The following ADGRG7 variants were observed in gnomAD, a reference collection of about 807,000 sequenced individuals.
ADGRG7 encodes G-protein coupled receptor 128.
Under a neutral mutation model 88.6 loss-of-function variants are expected in ADGRG7, and 82 were observed. The ratio of observed to expected loss-of-function variants is 0.93; its 90% CI spans 0.77 to 1.11. ADGRG7 has a LOEUF of 1.11. Ranked by LOEUF, ADGRG7 falls within the 50% of genes most tolerant of loss-of-function variation. The pLI is 0.00. For synonymous variants in ADGRG7, 381 were observed against 345.2 expected (o/e 1.10, Z -1.15); for missense variants, 945 against 953.4 (o/e 0.99, Z 0.12).
At chr3:100,617,564 G>A (rs1296721927) in intron 1 of ADGRG7, among the ~76,000 whole-genome samples, 1 of 152,098 alleles carries the variant, frequency 6.6e-6, no homozygotes, top group East Asian at 1.9e-4. Context: ...ATTTTTTATG[G>A]CTGCATAGTA....
intron 1 of ADGRG7, among the ~76,000 whole-genome samples, chr3:100,610,746 C>A (rs1707135509): frequency 6.6e-6 from 1 of 152,202 alleles, no homozygotes; most frequent in Non-Finnish European, 1.5e-5. Context: ...GGGCTACATA[C>A]TCCCTTTCGT....
At chr3:100,624,835 C>G (rs1375461583) in intron 1 of ADGRG7, among the ~76,000 whole-genome samples, 1 of 152,040 alleles carries the variant, frequency 6.6e-6, no homozygotes, top group African/African-American at 2.4e-5. Flanking sequence ...TGTTGAAGAT[C>G]AGATGTTTGT....
chr3:100,632,668 A>G (rs147330891), intron 3 of ADGRG7, among the ~76,000 whole-genome samples: 277 of 152,316 alleles, frequency 1.8e-3, no homozygotes, highest in Non-Finnish European at 3.1e-3. Context: ...TTGTCCCAAG[A>G]AGGAGCTGCC....
At chr3:100,677,398 A>G (rs1475146342) in intron 15 of ADGRG7, among the ~76,000 whole-genome samples, 2 of 152,034 alleles carry the variant, frequency 1.3e-5, no homozygotes, top group Non-Finnish European at 2.9e-5. Flanking sequence ...ATATCTTATT[A>G]TACTGTCTTG....
rs566712881 is a variant in ADGRG7, at chr3:100,632,745, T to C, written c.335-520T>C. Among the ~76,000 whole-genome samples the C allele has an allele frequency of 1.1e-3, 162 of 152,304 alleles. No individual in the cohort carries two copies. The Middle Eastern group carries it at 0.014, about 13-fold the overall frequency. On this transcript the variant is annotated intron_variant, in intron 3 of 15. Coordinates refer to ENST00000273352, the MANE Select transcript of ADGRG7 (RefSeq NM_032787.3). ...TCCCTCTAATTATGATTTTTTTCTATAGCAACTACTTAAGTATTAACTACA... is the reference window on the plus strand; with the variant it reads ...TCCCTCTAATTATGATTTTTTTCTACAGCAACTACTTAAGTATTAACTACA...
At chr3:100,677,075 T>C (rs2094966414) in intron 15 of ADGRG7, among the ~76,000 whole-genome samples, 1 of 152,044 alleles carries the variant, frequency 6.6e-6, no homozygotes, top group Admixed American at 6.6e-5. Context: ...CAGAGTTTAG[T>C]TCATTTGTGT....
At chr3:100,617,869 A>G (rs1310342593) in intron 1 of ADGRG7, among the ~76,000 whole-genome samples, 1 of 152,138 alleles carries the variant, frequency 6.6e-6, no homozygotes. Context: ...CATCCTCTCC[A>G]GCACCTGTTG....
At chr3:100,659,614 T>C (rs1401055686) in intron 13 of ADGRG7, 74 bp from the exon 14 acceptor site, 41 of 1,265,142 alleles carry the variant, frequency 3.2e-5, no homozygotes, top group Middle Eastern at 3.9e-4. Context: ...TGAATGTCAA[T>C]AGTGTTAATA....
intron 6 of ADGRG7, among the ~76,000 whole-genome samples, chr3:100,641,196 A>T (rs1707636860): frequency 1.3e-5 from 2 of 152,200 alleles, no homozygotes; most frequent in Admixed American, 1.3e-4. Flanking sequence ...GGAAGCACAA[A>T]TTCCAAAAAA....
chr3:100,645,926 T>A lies in ADGRG7; in HGVS notation c.947-19T>A, dbSNP rs201669864. 1 of 1,603,180 alleles carries A rather than the reference T, an allele frequency of 6.2e-7. No individual in the cohort carries two copies. Among genetic ancestry groups the A allele is most frequent in the African/African-American group, 1.3e-5 (1 of 74,126 alleles). ...CTTACAGTGCACTTATTGATTTTAATGTCTTTTTCTCCCTATAGATTACAC... is the reference window on the plus strand; with the variant it reads ...CTTACAGTGCACTTATTGATTTTAAAGTCTTTTTCTCCCTATAGATTACAC... On this transcript the variant is annotated intron_variant, in intron 8 of 15. Coordinates refer to ENST00000273352, the MANE Select transcript of ADGRG7 (RefSeq NM_032787.3).
In ADGRG7 at chr3:100,611,279, C is replaced by CCTTCCTTCCTTCCTTTCTTT. The variant is rs1559666844; in HGVS notation, c.115+1323_115+1324insTCTTTCTTCCTTCCTTCCTT. 1.2e-3 allele frequency among the ~76,000 whole-genome samples: 172 copies of CCTTCCTTCCTTCCTTTCTTT among 143,708 alleles called. 1 individual carries two copies. The highest frequency in any genetic ancestry group is 4.3e-3 in the African/African-American group (170 of 39,174). The allele number at this position is 143,708 out of a possible 152,430, so 94.3% of individuals were successfully genotyped here. On this transcript the variant is annotated intron_variant, in intron 1 of 15. Transcript: ENST00000273352. ...TCCTTCCTTCCTTCCTTCCTTCCTT[C>CCTTCCTTCCTTCCTTTCTTT]CTTCCTTCCTTCCTTCCTTCCTTTC...
intron 14 of ADGRG7, chr3:100,665,602 T>C (rs56232573): frequency 0.16 from 56,274 of 353,942 alleles, 5,652 homozygotes; most frequent in South Asian, 0.26. Context: ...CGGTAGTTCA[T>C]ATTAAGAAGA....
intron 1 of ADGRG7, among the ~76,000 whole-genome samples, chr3:100,615,514 T>C (rs1388697998): frequency 6.6e-6 from 1 of 152,124 alleles, no homozygotes; most frequent in Non-Finnish European, 1.5e-5. Flanking sequence ...AGTCAGCAAA[T>C]GTGTGTTGGG....
At chr3:100,617,785 G>A (rs1161689127) in intron 1 of ADGRG7, among the ~76,000 whole-genome samples, 9 of 152,070 alleles carry the variant, frequency 5.9e-5, no homozygotes, top group African/African-American at 9.7e-5. Context: ...CTGAGGAATC[G>A]CCACACTGAC....
At chr3:100,686,725 A>G (rs541645243) in intron 15 of ADGRG7, among the ~76,000 whole-genome samples, 1 of 152,278 alleles carries the variant, frequency 6.6e-6, no homozygotes, top group South Asian at 2.1e-4. Flanking sequence ...GTTCTGTTCC[A>G]ATGGTCTATA....
intron 6 of ADGRG7, among the ~76,000 whole-genome samples, chr3:100,640,177 C>T (rs1050667311): frequency 2.0e-5 from 3 of 152,156 alleles, no homozygotes; most frequent in Non-Finnish European, 4.4e-5. Flanking sequence ...CATCTCTCCA[C>T]GAGAAGGAAA....
intron 4 of ADGRG7, among the ~76,000 whole-genome samples, chr3:100,635,028 CAT>C (rs1491054107): frequency 2.6e-5 from 4 of 151,288 alleles, no homozygotes; most frequent in African/African-American, 4.9e-5. Context: ...CACACACACA[CAT>C]ACACACACAC....
rs1462974413 is a variant in ADGRG7, at chr3:100,611,291, C to CCTTT, written c.115+1323_115+1324insTCTT. ...TCCTTCCTTCCTTCCTTCCTTCCTT[C>CCTTT]CTTCCTTCCTTTCTTCTTTCCTTCC... On this transcript the variant is annotated intron_variant, in intron 1 of 15. Transcript: ENST00000273352. Among the ~76,000 whole-genome samples the CCTTT allele has an allele frequency of 2.1e-3, 301 of 145,370 alleles. 1 individual carries two copies. Among genetic ancestry groups the CCTTT allele is most frequent in the Non-Finnish European group, 3.1e-3 (203 of 66,202 alleles).
At position 100,609,815 on chromosome 3, in the gene ADGRG7, G is replaced by T. The variant is rs767103854; in HGVS notation, c.-42G>T. ...TTTAGCTCAAGAAGAAAAGAAGCTAGTTATTTCTCACCCAGGAGTGGATTT... is the reference window on the plus strand; with the variant it reads ...TTTAGCTCAAGAAGAAAAGAAGCTATTTATTTCTCACCCAGGAGTGGATTT... On this transcript the variant is annotated 5_prime_UTR_variant, in exon 1 of 16. Coordinates refer to ENST00000273352, the MANE Select transcript of ADGRG7 (RefSeq NM_032787.3). The T allele has an allele frequency of 6.9e-6, 10 of 1,452,242 alleles. No homozygotes were observed. In the East Asian group the frequency reaches 1.8e-4, roughly 26 times the overall value. The allele number at this position is 1,452,242 out of a possible 1,614,324, so 90.0% of individuals were successfully genotyped here.
Sources: gnomAD v4.1 joint callset for allele counts (sites outside exome capture counted in the v4.1 genomes callset) on GRCh38, gnomAD v4.1.1 for gene constraint, MANE v1.5 for transcripts, NCBI Gene and HGNC (gene_info 2026-07-23, HGNC 2026-07-21) for gene names.